Variants in STMN3 observed in about 807,000 individuals in gnomAD.
STMN3 encodes stathmin-3.
Under a neutral mutation model 23.2 loss-of-function variants are expected in STMN3, and 24 were observed. That is an observed-to-expected ratio of 1.03 (90% CI 0.75 to 1.45). The LOEUF (loss-of-function observed/expected upper bound fraction) is 1.45, where lower values mean the gene tolerates loss of function less well. Ranked by LOEUF, STMN3 falls within the 40% of genes most tolerant of loss-of-function variation. STMN3 has a pLI of 0.00. For synonymous variants in STMN3, 117 were observed against 103.4 expected, an observed-to-expected ratio of 1.13 and a Z score of -0.80; for missense variants, 235 against 237.6, an observed-to-expected ratio of 0.99 and a Z score of 0.07.
At chr20:63,645,364 T>C (rs1365187444) in intron 1 of STMN3, among the ~76,000 whole-genome samples, 5 of 152,152 alleles carry the variant, frequency 3.3e-5, no homozygotes, top group African/African-American at 1.2e-4. Context: ...GCTCTCTGTC[T>C]ATCTAGGGCT....
At position 63,652,639 on chromosome 20, in the gene STMN3, C is replaced by G; in HGVS notation, c.19+688G>C. ...GGGAGGGGCGGAGCCCTCTGGTCTC[C>G]GGAGGGTTTGGGGATCGCAGTCGCC... On this transcript the variant is annotated intron_variant, in intron 1 of 4. Transcript: ENST00000370053. The surrounding 1 kb of genome is among the most constrained non-coding windows in gnomAD (Gnocchi z 5.3). 1 of 985,514 alleles carries G rather than the reference C, an allele frequency of 1.0e-6. No individual in the cohort carries two copies. The highest frequency in any genetic ancestry group is 1.2e-6 in the Non-Finnish European group (1 of 830,008). 61.0% of individuals were successfully genotyped at this position (985,514 alleles called of 1,614,324 possible). A position where few individuals can be genotyped will look rare whatever the true frequency, so the allele number is the denominator to read the frequency against.
intron 1 of STMN3, among the ~76,000 whole-genome samples, chr20:63,646,420 T>A (rs1017917066): frequency 1.3e-5 from 2 of 152,036 alleles, no homozygotes; most frequent in African/African-American, 4.8e-5. Context: ...AGTGGTGCGA[T>A]CTCGGCTCAC....
chr20:63,647,981 C>CGTATATACATAT (rs2089830725), intron 1 of STMN3, among the ~76,000 whole-genome samples: 1 of 68,732 alleles, frequency 1.5e-5, no homozygotes, highest in African/African-American at 6.1e-5. Flanking sequence ...TATATATATA[C>CGTATATACATAT]ATATATATAT....
At position 63,642,129 on chromosome 20, in the gene STMN3, C is replaced by T; in HGVS notation, c.462G>A (p.Leu154=). The change falls in exon 4 of 5, where the codon CTG becomes CTA. Residue 154 remains leucine (L), a synonymous_variant. Coordinates refer to ENST00000370053, the MANE Select transcript of STMN3 (RefSeq NM_015894.4). ...KEIREAHLAA[L]RERLREKELH... is the part of the protein sequence containing the mutation. The stretch of plus-strand genomic sequence containing the variant: ...GCACCTTCTCGCGCAGCCGCTCGCG[C>T]AGTGCGGCCAGGTGTGCCTCGCGGA... 1 of 1,535,158 alleles carries T rather than the reference C, an allele frequency of 6.5e-7. No homozygotes were observed. The highest frequency in any genetic ancestry group is 2.0e-5 in the Admixed American group (1 of 49,336).
chr20:63,646,029 A>G (rs1411581003), intron 1 of STMN3, among the ~76,000 whole-genome samples: 1 of 152,180 alleles, frequency 6.6e-6, no homozygotes, highest in South Asian at 2.1e-4. Flanking sequence ...AAAGGAAAGG[A>G]AGACAGACAA....
At chr20:63,642,747 C>T (rs377667520) in intron 3 of STMN3, among the ~76,000 whole-genome samples, 4 of 152,230 alleles carry the variant, frequency 2.6e-5, no homozygotes, top group African/African-American at 9.6e-5. Flanking sequence ...TCCCAGCTCC[C>T]AATTAGGTGC....
chr20:63,653,357 C>A lies in STMN3; in HGVS notation c.-12G>T. 6.6e-7 allele frequency: 1 copy of A among 1,515,448 alleles called. No individual in the cohort carries two copies. Among genetic ancestry groups the A allele is most frequent in the African/African-American group, 1.4e-5 (1 of 70,750 alleles). 93.9% of individuals were successfully genotyped at this position (1,515,448 alleles called of 1,614,324 possible). ...ATGGTGCTGGCCATGGTGCTGGCGG[C>A]GGTTGGGCCTGCGGAGGCTGGAGAG... On this transcript the variant is annotated 5_prime_UTR_variant, in exon 1 of 5. Coordinates refer to ENST00000370053, the MANE Select transcript of STMN3 (RefSeq NM_015894.4).
chr20:63,651,814 A>C (rs1431899015), intron 1 of STMN3, among the ~76,000 whole-genome samples: 5 of 152,162 alleles, frequency 3.3e-5, no homozygotes, highest in Admixed American at 3.3e-4. Context: ...GCAGAAGGAG[A>C]ATGTGAGCAG....
Position 63,652,718 on chromosome 20 carries a change from C to G in STMN3, c.19+609G>C, listed in dbSNP as rs926338318. On this transcript the variant is annotated intron_variant, in intron 1 of 4. Coordinates refer to ENST00000370053, the MANE Select transcript of STMN3 (RefSeq NM_015894.4). This position sits in a 1 kb window ranked among gnomAD's most constrained non-coding sequence, Gnocchi z 5.3. ...AGGGCAGTGGCTTTTCTGGCCAGAG[C>G]AGGTGGCGCGGGCGTCGCAAAGGGT... is the stretch of plus-strand genomic sequence containing the variant. The G allele has an allele frequency of 2.6e-5, 26 of 985,924 alleles. No homozygotes were observed. In the African/African-American group the frequency reaches 4.4e-4, roughly 17 times the overall value. The allele number at this position is 985,924 out of a possible 1,614,324, so 61.1% of individuals were successfully genotyped here. A position where few individuals can be genotyped will look rare whatever the true frequency, so the allele number is the denominator to read the frequency against.
Position 63,652,674 on chromosome 20 carries a change from T to C in STMN3, c.19+653A>G. ...GGGGATCGCAGTCGCCCCTCCCCCA[T>C]CCAGACCCCGCGGCGCAAAGGGCAG... On this transcript the variant is annotated intron_variant, in intron 1 of 4. Transcript: ENST00000370053. This position sits in a 1 kb window ranked among gnomAD's most constrained non-coding sequence, Gnocchi z 5.3. 1.0e-6 allele frequency: 1 copy of C among 985,636 alleles called. No homozygotes were observed. The highest frequency in any genetic ancestry group is 1.2e-6 in the Non-Finnish European group (1 of 830,162). 61.1% of individuals were successfully genotyped at this position (985,636 alleles called of 1,614,324 possible). A position where few individuals can be genotyped will look rare whatever the true frequency, so the allele number is the denominator to read the frequency against.
In STMN3 at chr20:63,643,383, G is replaced by T. The variant is rs187227655; in HGVS notation, c.291+373C>A. On this transcript the variant is annotated intron_variant, in intron 3 of 4. Transcript: ENST00000370053. ...TGCATCCTCCACTTCTTGGGTTCAAGCAATTCCCCTGCCTCAGACTCCCTA... is the reference window on the plus strand; with the variant it reads ...TGCATCCTCCACTTCTTGGGTTCAATCAATTCCCCTGCCTCAGACTCCCTA... Among the ~76,000 whole-genome samples the T allele has an allele frequency of 3.0e-3, 455 of 152,296 alleles. 2 individuals are homozygous for T. The highest frequency in any genetic ancestry group is 0.011 in the African/African-American group (440 of 41,566).
intron 1 of STMN3, among the ~76,000 whole-genome samples, chr20:63,646,880 A>G (rs1210297701): frequency 6.6e-6 from 1 of 151,600 alleles, no homozygotes; most frequent in African/African-American, 2.4e-5. Flanking sequence ...CAGCCTCCCA[A>G]GTAGCAGGGA....
intron 1 of STMN3, 34 bp downstream of exon 1, chr20:63,653,293 G>C: frequency 4.5e-6 from 7 of 1,543,610 alleles, no homozygotes; most frequent in Non-Finnish European, 6.1e-6. Context: ...CTCAGATCCC[G>C]CCGCCCCACA....
At chr20:63,647,003 C>T (rs1393850138) in intron 1 of STMN3, among the ~76,000 whole-genome samples, 1 of 151,668 alleles carries the variant, frequency 6.6e-6, no homozygotes, top group Non-Finnish European at 1.5e-5. Context: ...GCCTACACAC[C>T]AGCTTAAAAA....
intron 1 of STMN3, among the ~76,000 whole-genome samples, chr20:63,645,396 C>G (rs2089801595): frequency 6.6e-6 from 1 of 152,142 alleles, no homozygotes; most frequent in Non-Finnish European, 1.5e-5. Flanking sequence ...ACTGATGCCA[C>G]CAAGGAGCAA....
chr20:63,647,849 A>AAT (rs1186038864), intron 1 of STMN3, among the ~76,000 whole-genome samples: 2 of 127,390 alleles, frequency 1.6e-5, no homozygotes, highest in African/African-American at 5.6e-5. Context: ...TGTATATATT[A>AAT]ATATATATAC....
In STMN3 at chr20:63,640,007, TC is replaced by T. The variant is rs560677445; in HGVS notation, c.*1330del. 509 of 152,756 alleles carry T rather than the reference TC, an allele frequency of 3.3e-3. 2 individuals are homozygous for T. Among genetic ancestry groups the T allele is most frequent in the Admixed American group, 4.7e-3 (72 of 15,304 alleles). The allele number at this position is 152,756 out of a possible 1,614,324, so 9.5% of individuals were successfully genotyped here. Reference sequence around the variant, plus strand: ...CTGAGCCCTGCAGGGGTCAGGATCCTCCCGTGGTCCCTGGGTGTGACTCTGG... The same window carrying T: ...CTGAGCCCTGCAGGGGTCAGGATCCTCCGTGGTCCCTGGGTGTGACTCTGG... On this transcript the variant is annotated 3_prime_UTR_variant, in exon 5 of 5. Transcript: ENST00000370053.
At chr20:63,647,388 G>A (rs1420868988) in intron 1 of STMN3, among the ~76,000 whole-genome samples, 18 of 150,816 alleles carry the variant, frequency 1.2e-4, no homozygotes, top group Admixed American at 6.7e-5. Flanking sequence ...GGGCCAAGGC[G>A]GGCAGATCAT....
chr20:63,645,663 C>A (rs2089803475), intron 1 of STMN3, among the ~76,000 whole-genome samples: 1 of 152,144 alleles, frequency 6.6e-6, no homozygotes, highest in East Asian at 1.9e-4. Context: ...GCTCGATAAT[C>A]CTTTTGGCTG....
Sources: allele counts gnomAD v4.1 joint callset (sites outside exome capture counted in the v4.1 genomes callset), GRCh38; gene constraint gnomAD v4.1.1; non-coding constraint Gnocchi (gnomAD v3.1); transcripts MANE v1.5; gene names NCBI Gene and HGNC (gene_info 2026-07-23, HGNC 2026-07-21).